PHLPP2: variants seen among roughly 807,000 people sequenced by gnomAD.
PHLPP2 encodes PH domain leucine-rich repeat-containing protein phosphatase 2.
A neutral mutation model predicts 124.9 loss-of-function variants in PHLPP2; 66 were observed. The ratio of observed to expected loss-of-function variants is 0.53; its 90% confidence interval spans 0.43 to 0.65. The LOEUF (loss-of-function observed/expected upper bound fraction) is 0.65, where lower values mean the gene tolerates loss of function less well. Among genes scored for constraint, PHLPP2 ranks in the 30% least tolerant of loss-of-function variants. The pLI, the probability that PHLPP2 is intolerant of heterozygous loss-of-function variation, is 0.00. For synonymous variants in PHLPP2, 681 were observed against 624.7 expected (o/e 1.09, Z -1.34); for missense variants, 1,685 against 1,600.4 (o/e 1.05, Z -0.90).
intron 18 of PHLPP2, among the ~76,000 whole-genome samples, chr16:71,652,040 T>G (rs1206250931): frequency 6.6e-6 from 1 of 152,170 alleles, no homozygotes; most frequent in African/African-American, 2.4e-5. Context: ...AGGTGGGCCT[T>G]CATTAAAACT....
intron 2 of PHLPP2, among the ~76,000 whole-genome samples, chr16:71,709,080 AT>A (rs532560447): frequency 8.5e-4 from 130 of 152,328 alleles, no homozygotes; most frequent in African/African-American, 2.8e-3. Flanking sequence ...TGGATAAAAA[AT>A]GTTTCAAAAT....
chr16:71,718,590 A>C (rs931971079), intron 1 of PHLPP2, among the ~76,000 whole-genome samples: 7 of 151,466 alleles, frequency 4.6e-5, no homozygotes, highest in East Asian at 2.0e-4. Flanking sequence ...AAAAAAAAAA[A>C]AAACAAAACA....
chr16:71,711,856 A>G (rs2045326338), intron 2 of PHLPP2, among the ~76,000 whole-genome samples: 1 of 152,254 alleles, frequency 6.6e-6, no homozygotes, highest in South Asian at 2.1e-4. Context: ...ATAAACAAGT[A>G]ACAGCTGAGT....
At chr16:71,661,968 C>T (rs909393986) in intron 13 of PHLPP2, among the ~76,000 whole-genome samples, 2 of 151,996 alleles carry the variant, frequency 1.3e-5, no homozygotes, top group Non-Finnish European at 2.9e-5. Flanking sequence ...GGATTACAGG[C>T]GCCCACCACC....
At chr16:71,681,669 C>A in intron 6 of PHLPP2, 82 bp downstream of exon 6, 1 of 1,081,358 alleles carries the variant, frequency 9.2e-7, no homozygotes, top group Non-Finnish European at 1.3e-6. Flanking sequence ...AATATACATA[C>A]AATGGTAGCA....
rs566917810 is a variant in PHLPP2, at chr16:71,722,066, ATTCAGAGTATTCTACTGTAATACTTC to A, written c.-7+2237_-7+2262del. On this transcript the variant is annotated intron_variant, in intron 1 of 18. Coordinates refer to ENST00000568954, the MANE Select transcript of PHLPP2 (RefSeq NM_015020.3). ...AATGAGTGGGAGATGACTCTTCCCA[ATTCAGAGTATTCTACTGTAATACTTC>A]TTTTCCAGCATCACTTGGCACAATT... Among the ~76,000 whole-genome samples, 731 of 152,348 alleles carry A rather than the reference ATTCAGAGTATTCTACTGTAATACTTC, an allele frequency of 4.8e-3. 16 individuals carry two copies. The highest frequency in any genetic ancestry group is 8.7e-4 in the Non-Finnish European group (59 of 68,034).
intron 3 of PHLPP2, among the ~76,000 whole-genome samples, chr16:71,691,749 T>G (rs1356474137): frequency 6.6e-6 from 1 of 152,014 alleles, no homozygotes; most frequent in Admixed American, 6.6e-5. Context: ...GAGGCCTTCA[T>G]GACTGAGATA....
At chr16:71,719,556 T>A (rs1033730347) in intron 1 of PHLPP2, among the ~76,000 whole-genome samples, 24 of 152,196 alleles carry the variant, frequency 1.6e-4, no homozygotes, top group East Asian at 3.9e-4. Context: ...GTATCTTTTT[T>A]AATTTTTTTG....
intron 4 of PHLPP2, among the ~76,000 whole-genome samples, chr16:71,689,320 T>C (rs1159312740): frequency 2.0e-5 from 3 of 148,388 alleles, no homozygotes; most frequent in African/African-American, 7.5e-5. Context: ...GCTCAAGCCA[T>C]CCTCCTCCCA....
At chr16:71,692,411 A>ATTAGGTATCACTTTGCCTATTTAAC in intron 3 of PHLPP2, among the ~76,000 whole-genome samples, 1 of 152,158 alleles carries the variant, frequency 6.6e-6, no homozygotes, top group African/African-American at 2.4e-5. Flanking sequence ...GCCTATTTAA[A>ATTAGGTATCACTTTGCCTATTTAAC]TTAGGTATCA....
At chr16:71,704,097 C>A (rs373083066) in intron 2 of PHLPP2, among the ~76,000 whole-genome samples, 1 of 151,810 alleles carries the variant, frequency 6.6e-6, no homozygotes, top group Non-Finnish European at 1.5e-5. Flanking sequence ...CTGAGGCGGG[C>A]GGATCACGAG....
chr16:71,678,867 C>A lies in PHLPP2; in HGVS notation c.1156G>T (p.Val386Phe), dbSNP rs1417029710. Residue 386 changes from valine to phenylalanine, a missense_variant, in exon 8 of 19, where the codon GTT becomes TTT. Val to Phe is a conservative substitution (Grantham distance 50). Transcript: ENST00000568954. ...TCTAACATAGTGAGTTTCTCATAAA[C>A]CTCAGGAATTTGACTAAAGTTGTTG... ...SFNNFSQIPE[V>F]YEKLTMLDRV... 1.2e-6 allele frequency: 2 copies of A among 1,611,784 alleles called. No individual in the cohort carries two copies. The highest frequency in any genetic ancestry group is 2.7e-5 in the African/African-American group (2 of 74,884).
intron 13 of PHLPP2, among the ~76,000 whole-genome samples, chr16:71,660,811 A>C (rs1017094545): frequency 3.3e-5 from 5 of 152,112 alleles, no homozygotes; most frequent in African/African-American, 9.7e-5. Flanking sequence ...TGACTTGTAA[A>C]TAGAAATGCA....
At chr16:71,717,025 A>G (rs1444355016) in intron 1 of PHLPP2, among the ~76,000 whole-genome samples, 1 of 152,246 alleles carries the variant, frequency 6.6e-6, no homozygotes, top group Non-Finnish European at 1.5e-5. Context: ...CTGACATCAC[A>G]GAAACCTATT....
chr16:71,723,710 C>T, intron 1 of PHLPP2: 1 of 830,544 alleles, frequency 1.2e-6, no homozygotes, highest in Non-Finnish European at 1.7e-6. Flanking sequence ...CTCGTTCCCT[C>T]CCTAGTCCGC....
chr16:71,714,384 T>C (rs1280450245), intron 2 of PHLPP2, 128 bp downstream of exon 2: 3 of 1,250,488 alleles, frequency 2.4e-6, no homozygotes, highest in South Asian at 2.0e-5. Context: ...AGGACAAATC[T>C]TGAAGCCCAG....
chr16:71,713,200 A>C (rs1316946862), intron 2 of PHLPP2, among the ~76,000 whole-genome samples: 2 of 152,192 alleles, frequency 1.3e-5, no homozygotes, highest in African/African-American at 4.8e-5. Context: ...GCCTAGAAAA[A>C]GATTTGTCGT....
chr16:71,719,696 C>T (rs1413535017), intron 1 of PHLPP2, among the ~76,000 whole-genome samples: 3 of 149,684 alleles, frequency 2.0e-5, no homozygotes, highest in Non-Finnish European at 4.4e-5. Context: ...CTGGGTGACA[C>T]AAGGAGACTC....
chr16:71,671,857 C>A (rs537843634), intron 10 of PHLPP2, among the ~76,000 whole-genome samples: 5 of 151,866 alleles, frequency 3.3e-5, no homozygotes, highest in Non-Finnish European at 7.4e-5. Flanking sequence ...GAGCTTGCAG[C>A]GAGCCGAGAT....
Sources: gnomAD v4.1 joint callset for allele counts (sites outside exome capture counted in the v4.1 genomes callset) on GRCh38, gnomAD v4.1.1 for gene constraint, MANE v1.5 for transcripts, NCBI Gene and HGNC (gene_info 2026-07-23, HGNC 2026-07-21) for gene names.